The following INSC variants were observed in gnomAD, a reference collection of about 807,000 sequenced individuals.
INSC encodes the protein INSC spindle orientation adaptor protein, also known as protein inscuteable homolog.
INSC carries 67 observed loss-of-function variants against 58.6 expected under a neutral mutation model. That is an observed-to-expected ratio of 1.14 (90% confidence interval 0.94 to 1.40). The LOEUF is 1.40. Among genes scored for constraint, INSC ranks in the 40% most tolerant of loss-of-function variants. INSC has a pLI of 0.00. For synonymous variants in INSC, 262 were observed against 276.1 expected, an observed-to-expected ratio of 0.95 and a Z score of 0.51; for missense variants, 714 against 692.0, an observed-to-expected ratio of 1.03 and a Z score of -0.36.
At chr11:15,225,872 G>A in intron 9 of INSC, 44 bp downstream of exon 9, 1 of 1,576,030 alleles carries the variant, frequency 6.3e-7, no homozygotes, top group Non-Finnish European at 8.6e-7. Flanking sequence ...CATAGCCATG[G>A]AGACAGAAGT....
chr11:15,138,951 T>C (rs915222035), intron 1 of INSC, among the ~76,000 whole-genome samples: 1 of 152,180 alleles, frequency 6.6e-6, no homozygotes, highest in Non-Finnish European at 1.5e-5. Context: ...CAAACTCCAA[T>C]TTAGAGGATT....
chr11:15,229,932 T>A (rs1257945404), intron 9 of INSC, among the ~76,000 whole-genome samples: 2 of 50,426 alleles, frequency 4.0e-5, no homozygotes, highest in South Asian at 1.8e-3. Context: ...TTTTTATATA[T>A]TATATATATA....
chr11:15,260,674 T>C, the INSC span, among the ~76,000 whole-genome samples: 5 of 152,282 alleles, frequency 3.3e-5, no homozygotes, highest in South Asian at 2.1e-4. Context: ...TTGTGTTATA[T>C]TGAGGTAATA....
At chr11:15,269,646 T>C in the INSC span, among the ~76,000 whole-genome samples, 1 of 152,048 alleles carries the variant, frequency 6.6e-6, no homozygotes, top group Non-Finnish European at 1.5e-5. Context: ...GATCATCTTT[T>C]GAATAGCATC....
intron 5 of INSC, 25 bp from the exon 6 acceptor site, chr11:15,190,676 A>G (rs745924734): frequency 6.6e-7 from 1 of 1,517,766 alleles, no homozygotes; most frequent in Non-Finnish European, 9.2e-7. Context: ...AGTAACTACT[A>G]GCTAACTTTT....
At chr11:15,144,094 G>C (rs1170488863) in intron 1 of INSC, among the ~76,000 whole-genome samples, 1 of 152,120 alleles carries the variant, frequency 6.6e-6, no homozygotes, top group African/African-American at 2.4e-5. Flanking sequence ...TTTTACTCTT[G>C]CTGCAAAGGA....
intron 1 of INSC, among the ~76,000 whole-genome samples, chr11:15,141,985 G>A (rs1276486496): frequency 6.6e-6 from 1 of 152,156 alleles, no homozygotes; most frequent in Non-Finnish European, 1.5e-5. Context: ...CACCTTTGAT[G>A]GCTCCCTATC....
At chr11:15,192,342 T>C (rs553675701) in intron 6 of INSC, among the ~76,000 whole-genome samples, 31 of 151,834 alleles carry the variant, frequency 2.0e-4, no homozygotes, top group African/African-American at 7.3e-4. Flanking sequence ...ATGTCCTCTC[T>C]TTTTGCCACT....
intron 6 of INSC, 89 bp from the exon 7 acceptor site, chr11:15,200,735 T>C (rs996914424): frequency 6.3e-7 from 1 of 1,577,232 alleles, no homozygotes; most frequent in African/African-American, 1.3e-5. Context: ...CGAAAGCATA[T>C]CTGGCGAATC....
At chr11:15,177,729 C>T (rs1457862122) in intron 4 of INSC, among the ~76,000 whole-genome samples, 1 of 152,194 alleles carries the variant, frequency 6.6e-6, no homozygotes, top group Non-Finnish European at 1.5e-5. Flanking sequence ...TTCCTTCACC[C>T]TTCCCAGAGC....
the INSC span, among the ~76,000 whole-genome samples, chr11:15,261,005 T>C: frequency 3.1e-4 from 47 of 152,188 alleles, no homozygotes; most frequent in Non-Finnish European, 1.2e-4. Flanking sequence ...GAAATTAGGT[T>C]TCCTTTCATG....
chr11:15,233,266 A>G (rs1261624134), intron 9 of INSC, among the ~76,000 whole-genome samples: 1 of 152,222 alleles, frequency 6.6e-6, no homozygotes, highest in African/African-American at 2.4e-5. Flanking sequence ...TCATCAAACA[A>G]GACTGAATTA....
At chr11:15,208,442 T>C (rs59687152) in intron 7 of INSC, among the ~76,000 whole-genome samples, 3,084 of 152,302 alleles carry the variant, frequency 0.02, 118 homozygotes, top group African/African-American at 0.072. Context: ...GGGCCCATGA[T>C]TGAGCCTTCT....
chr11:15,131,995 C>G (rs1189850527), intron 1 of INSC, among the ~76,000 whole-genome samples: 1 of 151,996 alleles, frequency 6.6e-6, no homozygotes, highest in Non-Finnish European at 1.5e-5. Context: ...TACATACTTT[C>G]TTTCTTTGTT....
chr11:15,140,542 CAGTT>C (rs1719772783), intron 1 of INSC, among the ~76,000 whole-genome samples: 1 of 151,650 alleles, frequency 6.6e-6, no homozygotes, highest in Non-Finnish European at 1.5e-5. Context: ...TGTGTGACCT[CAGTT>C]GGTGTCTTAT....
the INSC span, among the ~76,000 whole-genome samples, chr11:15,252,618 C>G: frequency 6.6e-6 from 1 of 152,000 alleles, no homozygotes; most frequent in Non-Finnish European, 1.5e-5. Context: ...AGATAGAGGC[C>G]GATAGAATCT....
chr11:15,120,083 C>T (rs1432696110), intron 1 of INSC, among the ~76,000 whole-genome samples: 1 of 152,170 alleles, frequency 6.6e-6, no homozygotes, highest in Non-Finnish European at 1.5e-5. Flanking sequence ...CTTCTCTGAG[C>T]CTCCCTTTCC....
the INSC span, among the ~76,000 whole-genome samples, chr11:15,262,797 C>G: frequency 1.3e-5 from 2 of 151,784 alleles, no homozygotes; most frequent in African/African-American, 2.4e-5. Flanking sequence ...TTTCCACAGA[C>G]AAAGCTCAAA....
chr11:15,241,417 G>A (rs573366364), intron 12 of INSC: 125 of 521,248 alleles, frequency 2.4e-4, no homozygotes, highest in African/African-American at 1.8e-3. Context: ...GCGTTGTGCC[G>A]TTGTAGAAAC....
Sources: gnomAD v4.1 joint callset for allele counts (sites outside exome capture counted in the v4.1 genomes callset) on GRCh38, gnomAD v4.1.1 for gene constraint, MANE v1.5 for transcripts, NCBI Gene and HGNC (gene_info 2026-07-23, HGNC 2026-07-21) for gene names.